The following ADAMTS12 variants were observed in gnomAD, a reference collection of about 807,000 sequenced individuals.
The protein encoded by ADAMTS12 is ADAM metallopeptidase with thrombospondin type 1 motif 12, also known as A disintegrin and metalloproteinase with thrombospondin motifs 12.
A neutral mutation model predicts 167.8 loss-of-function variants in ADAMTS12; 118 were observed. The observed-to-expected ratio is 0.70, with a 90% confidence interval of 0.61 to 0.82. ADAMTS12 has a LOEUF of 0.82. Ranked by LOEUF, ADAMTS12 falls within the 40% of genes least tolerant of loss-of-function variation. ADAMTS12 has a pLI of 0.00. For synonymous variants in ADAMTS12, 704 were observed against 716.9 expected, an observed-to-expected ratio of 0.98 and a Z score of 0.29; for missense variants, 1,916 against 1,998.8, an observed-to-expected ratio of 0.96 and a Z score of 0.79.
chr5:33,626,591 GTAA>G (rs1739628332), intron 13 of ADAMTS12, among the ~76,000 whole-genome samples: 1 of 148,738 alleles, frequency 6.7e-6, no homozygotes, highest in South Asian at 2.2e-4. Flanking sequence ...TGATTTAATG[GTAA>G]TGATGGTGGT....
At chr5:33,595,480 T>C (rs1366587740) in intron 17 of ADAMTS12, among the ~76,000 whole-genome samples, 1 of 152,176 alleles carries the variant, frequency 6.6e-6, no homozygotes, top group Admixed American at 6.5e-5. Context: ...CAGCCCCACG[T>C]GCCAGTAATG....
chr5:33,608,422 G>T (rs1386103796), intron 16 of ADAMTS12, among the ~76,000 whole-genome samples: 1 of 152,174 alleles, frequency 6.6e-6, no homozygotes, highest in Non-Finnish European at 1.5e-5. Flanking sequence ...TTCCTAAAAA[G>T]TTGGGTCTTT....
At chr5:33,686,799 T>G (rs116224810) in intron 3 of ADAMTS12, among the ~76,000 whole-genome samples, 4,140 of 149,948 alleles carry the variant, frequency 0.028, 174 homozygotes, top group African/African-American at 0.09. Context: ...CCTATATATA[T>G]AGAGAGAGAG....
At chr5:33,594,350 T>C (rs546567099) in intron 17 of ADAMTS12, among the ~76,000 whole-genome samples, 26 of 152,344 alleles carry the variant, frequency 1.7e-4, no homozygotes, top group African/African-American at 5.8e-4. Context: ...TTGTAAGTTA[T>C]CCAGTCTTCA....
In ADAMTS12 at chr5:33,527,295, C is replaced by G; in HGVS notation, c.4678G>C (p.Val1560Leu). ...QTLKAMKKCS[V>L]PTVRAECCFS... Reference sequence around the variant, plus strand: ...CAGCACTCAGCCCTCACGGTGGGCACAGAACATTTCTTCATGGCTTTCAGT... The same window carrying G: ...CAGCACTCAGCCCTCACGGTGGGCAGAGAACATTTCTTCATGGCTTTCAGT... Residue 1560 changes from valine (V) to leucine (L), a missense_variant, in exon 24 of 24, where the codon GTG (valine) becomes CTG (leucine). By Grantham distance (32) the Val-to-Leu change is conservative. Coordinates refer to ENST00000504830, the MANE Select transcript of ADAMTS12 (RefSeq NM_030955.4). The G allele has an allele frequency of 6.2e-7, 1 of 1,614,074 alleles. No individual in the cohort carries two copies. Among genetic ancestry groups the G allele is most frequent in the Non-Finnish European group, 8.5e-7 (1 of 1,179,994 alleles).
rs115746865 is a variant in ADAMTS12, at chr5:33,580,979, C to A, written c.2866-3819G>T. Reference sequence around the variant, plus strand: ...GAATCTTCCAAATAACCCAGGATTGCCATTCCTTAGTTCTGGGGCACACTA... The same window carrying A: ...GAATCTTCCAAATAACCCAGGATTGACATTCCTTAGTTCTGGGGCACACTA... On this transcript the variant is annotated intron_variant, in intron 18 of 23. Transcript: ENST00000504830. 5.8e-3 allele frequency among the ~76,000 whole-genome samples: 885 copies of A among 152,254 alleles called. 6 individuals are homozygous for A. The highest frequency in any genetic ancestry group is 0.021 in the African/African-American group (852 of 41,544).
rs370566802 is a variant in ADAMTS12 at position 33,780,122 on chromosome 5, A to G, written c.490-28574T>C. On this transcript the variant is annotated intron_variant, in intron 2 of 23. Transcript: ENST00000504830. ...AATGTTTATTTGTCAAAAAACTTCA[A>G]TAAAGCTGTAGGAGGGGAAACCAAC... Among the ~76,000 whole-genome samples, 16 of 152,320 alleles carry G rather than the reference A, an allele frequency of 1.1e-4. No homozygotes were observed. In the South Asian group the frequency reaches 2.7e-3, roughly 26 times the overall value.
intron 19 of ADAMTS12, among the ~76,000 whole-genome samples, chr5:33,569,445 C>T (rs1158499038): frequency 6.6e-6 from 1 of 152,212 alleles, no homozygotes; most frequent in African/African-American, 2.4e-5. Context: ...TCACGAAAAT[C>T]CATGGTTCTG....
chr5:33,873,495 C>T (rs1354635551), intron 2 of ADAMTS12, among the ~76,000 whole-genome samples: 2 of 152,150 alleles, frequency 1.3e-5, no homozygotes, highest in African/African-American at 4.8e-5. Context: ...TTCTTTCCAA[C>T]TTAATCTATA....
At chr5:33,671,585 G>A (rs1351983633) in intron 5 of ADAMTS12, among the ~76,000 whole-genome samples, 1 of 152,048 alleles carries the variant, frequency 6.6e-6, no homozygotes, top group Admixed American at 6.5e-5. Flanking sequence ...ACACTTTCTG[G>A]TATGATCCTA....
chr5:33,581,239 C>A (rs1242608708), intron 18 of ADAMTS12, among the ~76,000 whole-genome samples: 4 of 152,240 alleles, frequency 2.6e-5, no homozygotes, highest in African/African-American at 9.6e-5. Context: ...TTTCAGAATT[C>A]TCTAAACCAA....
intron 3 of ADAMTS12, among the ~76,000 whole-genome samples, chr5:33,710,192 G>A (rs1743343520): frequency 6.6e-6 from 1 of 152,158 alleles, no homozygotes; most frequent in Admixed American, 6.6e-5. Flanking sequence ...ACTATTTTTA[G>A]AGTTTTAAAT....
At chr5:33,844,189 A>C (rs953284578) in intron 2 of ADAMTS12, among the ~76,000 whole-genome samples, 1 of 152,180 alleles carries the variant, frequency 6.6e-6, no homozygotes, top group Non-Finnish European at 1.5e-5. Context: ...CATTAACTGC[A>C]CAAATTGCAG....
chr5:33,686,125 G>A (rs776781767), intron 3 of ADAMTS12, among the ~76,000 whole-genome samples: 8 of 152,132 alleles, frequency 5.3e-5, no homozygotes, highest in South Asian at 2.1e-4. Context: ...GCTCCATGCC[G>A]CCCTGACCTT....
At chr5:33,585,823 G>A (rs1414622496) in intron 18 of ADAMTS12, among the ~76,000 whole-genome samples, 1 of 152,154 alleles carries the variant, frequency 6.6e-6, no homozygotes, top group Non-Finnish European at 1.5e-5. Flanking sequence ...GGGCAGCAGG[G>A]GAGAGAGCTC....
intron 3 of ADAMTS12, among the ~76,000 whole-genome samples, chr5:33,718,297 A>C (rs996636890): frequency 6.6e-6 from 1 of 152,206 alleles, no homozygotes; most frequent in African/African-American, 2.4e-5. Context: ...GCTGTAAAGC[A>C]GGGGCCCCAA....
intron 3 of ADAMTS12, among the ~76,000 whole-genome samples, chr5:33,703,385 T>G (rs761268365): frequency 6.6e-6 from 1 of 152,190 alleles, no homozygotes; most frequent in Non-Finnish European, 1.5e-5. Flanking sequence ...AAAAGTTTCA[T>G]TCCGCCCCCA....
intron 21 of ADAMTS12, among the ~76,000 whole-genome samples, chr5:33,546,998 A>T (rs776365439): frequency 2.6e-5 from 4 of 152,178 alleles, no homozygotes; most frequent in Non-Finnish European, 5.9e-5. Context: ...AAAACAGGGA[A>T]ATTATATGCA....
At chr5:33,690,151 AT>A (rs1247908961) in intron 3 of ADAMTS12, among the ~76,000 whole-genome samples, 6 of 152,222 alleles carry the variant, frequency 3.9e-5, no homozygotes, top group Non-Finnish European at 8.8e-5. Context: ...GTGTGCATCC[AT>A]TAGCAACAAG....
Sources: gnomAD v4.1 joint callset for allele counts (sites outside exome capture counted in the v4.1 genomes callset) on GRCh38, gnomAD v4.1.1 for gene constraint, MANE v1.5 for transcripts, NCBI Gene and HGNC (gene_info 2026-07-23, HGNC 2026-07-21) for gene names.